DAB2IP: variants seen among roughly 807,000 people sequenced by gnomAD.
DAB2IP encodes disabled homolog 2-interacting protein.
Under a neutral mutation model 107.2 loss-of-function variants are expected in DAB2IP, and 28 were observed. That is an observed-to-expected ratio of 0.26 (90% CI 0.19 to 0.36). DAB2IP has a LOEUF of 0.36. Ranked by LOEUF, DAB2IP falls within the 10% of genes least tolerant of loss-of-function variation. The pLI, the probability that DAB2IP is intolerant of heterozygous loss-of-function variation, is 1.00. For synonymous variants in DAB2IP, 755 were observed against 706.4 expected (o/e 1.07, Z -1.09); for missense variants, 1,400 against 1,644.7 (o/e 0.85, Z 2.57).
intron 1 of DAB2IP, among the ~76,000 whole-genome samples, chr9:121,611,486 G>C (rs1054578247): frequency 1.3e-5 from 2 of 152,180 alleles, no homozygotes; most frequent in Non-Finnish European, 2.9e-5. Flanking sequence ...CCAGCTGTTT[G>C]ACCTTGGACA....
intron 8 of DAB2IP, among the ~76,000 whole-genome samples, chr9:121,765,859 G>T (rs1023684040): frequency 1.3e-5 from 2 of 152,206 alleles, no homozygotes; most frequent in Non-Finnish European, 2.9e-5. Context: ...TCACCCTGGG[G>T]CAGTCACTAC....
At chr9:121,595,071 T>C (rs996954595) in intron 1 of DAB2IP, among the ~76,000 whole-genome samples, 7 of 152,200 alleles carry the variant, frequency 4.6e-5, no homozygotes, top group Non-Finnish European at 8.8e-5. Context: ...CCAGTGAAGA[T>C]TGCAGACTGG....
At chr9:121,781,997 G>T (rs892628994) in intron 15 of DAB2IP, among the ~76,000 whole-genome samples, 1 of 152,204 alleles carries the variant, frequency 6.6e-6, no homozygotes, top group Non-Finnish European at 1.5e-5. Flanking sequence ...GGAGTAGGCT[G>T]GGCCTTGCTC....
At chr9:121,594,170 G>C (rs1830477713) in intron 1 of DAB2IP, among the ~76,000 whole-genome samples, 1 of 152,032 alleles carries the variant, frequency 6.6e-6, no homozygotes, top group Admixed American at 6.6e-5. Flanking sequence ...CAGGCTCAGA[G>C]GGATGTAGTA....
chr9:121,644,293 GAAAGA>G (rs1274934384), intron 1 of DAB2IP, among the ~76,000 whole-genome samples: 19 of 151,718 alleles, frequency 1.3e-4, no homozygotes, highest in African/African-American at 4.6e-4. Flanking sequence ...AAGAAGGAAA[GAAAGA>G]AAAGAAAGGA....
intron 1 of DAB2IP, among the ~76,000 whole-genome samples, chr9:121,658,762 G>C (rs1466788339): frequency 6.6e-6 from 1 of 152,186 alleles, no homozygotes; most frequent in Non-Finnish European, 1.5e-5. Flanking sequence ...AAGCACCACC[G>C]AGGACGCCCA....
chr9:121,773,892 C>G (rs1036122918), intron 12 of DAB2IP, among the ~76,000 whole-genome samples: 75 of 152,244 alleles, frequency 4.9e-4, no homozygotes, highest in African/African-American at 1.8e-3. Context: ...ATGGATGACC[C>G]TGTCACCCAA....
chr9:121,777,815 T>G (rs769680085), intron 14 of DAB2IP, among the ~76,000 whole-genome samples: 2 of 152,264 alleles, frequency 1.3e-5, no homozygotes, highest in Non-Finnish European at 2.9e-5. Flanking sequence ...TAGGTGCATA[T>G]ACATTTAGGC....
chr9:121,764,710 G>A lies in DAB2IP; in HGVS notation c.1460+831G>A, dbSNP rs139042405. Reference sequence around the variant, plus strand: ...CCACCCACCCAAGCCTCCGTCCACAGCCTGTTCTGACACCACTCTCTCCCC... The same window carrying A: ...CCACCCACCCAAGCCTCCGTCCACAACCTGTTCTGACACCACTCTCTCCCC... On this transcript the variant is annotated intron_variant, in intron 8 of 15. Transcript: ENST00000408936. Among the ~76,000 whole-genome samples the A allele has an allele frequency of 4.8e-3, 733 of 152,268 alleles. 6 individuals carry two copies. The highest frequency in any genetic ancestry group is 0.016 in the African/African-American group (672 of 41,560).
At chr9:121,664,899 C>T (rs1271641219) in intron 1 of DAB2IP, among the ~76,000 whole-genome samples, 1 of 152,170 alleles carries the variant, frequency 6.6e-6, no homozygotes, top group Non-Finnish European at 1.5e-5. Flanking sequence ...TTGTAGCTTT[C>T]CCAAATTATA....
At chr9:121,732,587 A>G (rs1831608625) in intron 3 of DAB2IP, among the ~76,000 whole-genome samples, 1 of 152,136 alleles carries the variant, frequency 6.6e-6, no homozygotes, top group Non-Finnish European at 1.5e-5. Context: ...TGGGCTGATG[A>G]CATACATTAA....
At chr9:121,738,106 TG>T (rs1364451031) in intron 3 of DAB2IP, among the ~76,000 whole-genome samples, 1 of 152,054 alleles carries the variant, frequency 6.6e-6, no homozygotes, top group East Asian at 1.9e-4. Flanking sequence ...GGCAAGGTTG[TG>T]GGGCACCTGG....
In DAB2IP at chr9:121,699,572, AC is replaced by A; in HGVS notation, c.362+118del. On this transcript the variant is annotated intron_variant, in intron 3 of 15. Transcript: ENST00000408936. The surrounding 1 kb of genome is among the most constrained non-coding windows in gnomAD (Gnocchi z 6.2). ...GGGCGAGCCACACGGCGGTGGGGGGACCCCACGCCGCCCGCCGGGAACTTAT... is the reference window on the plus strand; with the variant it reads ...GGGCGAGCCACACGGCGGTGGGGGGACCCACGCCGCCCGCCGGGAACTTAT... 1 of 966,404 alleles carries A rather than the reference AC, an allele frequency of 1.0e-6. No individual in the cohort carries two copies. The allele number at this position is 966,404 out of a possible 1,614,324, so 59.9% of individuals were successfully genotyped here.
At chr9:121,589,341 C>G (rs1830376256) in intron 1 of DAB2IP, among the ~76,000 whole-genome samples, 1 of 152,148 alleles carries the variant, frequency 6.6e-6, no homozygotes, top group African/African-American at 2.4e-5. Context: ...CTTGAGGCTC[C>G]AATAATACTT....
upstream of DAB2IP, among the ~76,000 whole-genome samples, chr9:121,648,401 GGAAA>G (rs1832615250): frequency 6.6e-6 from 1 of 152,186 alleles, no homozygotes; most frequent in South Asian, 2.1e-4. Context: ...ACTGGTGGTG[GGAAA>G]GAGTGTCTGG....
intron 11 of DAB2IP, among the ~76,000 whole-genome samples, chr9:121,771,605 G>T (rs919714158): frequency 2.7e-5 from 4 of 148,488 alleles, no homozygotes; most frequent in Non-Finnish European, 6.1e-5. Flanking sequence ...AGTTTGGAGT[G>T]GGGGGTGCAG....
intron 12 of DAB2IP, among the ~76,000 whole-genome samples, chr9:121,773,708 A>C (rs1384248778): frequency 6.6e-6 from 1 of 152,218 alleles, no homozygotes; most frequent in South Asian, 2.1e-4. Flanking sequence ...GGGGAACTCC[A>C]GGCTCCTCTG....
In DAB2IP at chr9:121,635,911, G is replaced by C. The variant is rs1265750604; in HGVS notation, c.41-42767G>C. ...CCCTGTTTAGATGTCTTTTTTGGGG[G>C]GGGGTCTGGGGGATGGAGTCTTGCT... On this transcript the variant is annotated intron_variant, in intron 1 of 16. Transcript: ENST00000259371. This position sits in a 1 kb window ranked among gnomAD's most constrained non-coding sequence, Gnocchi z 4.3. Among the ~76,000 whole-genome samples, 2 of 152,062 alleles carry C rather than the reference G, an allele frequency of 1.3e-5. No individual in the cohort carries two copies. Among genetic ancestry groups the C allele is most frequent in the Admixed American group, 1.3e-4 (2 of 15,270 alleles).
Position 121,760,152 on chromosome 9 carries a change from A to T in DAB2IP, c.883A>T (p.Ser295Cys). The change falls in exon 6 of 16, where the codon AGC (serine) becomes TGC (cysteine). Residue 295 changes from serine to cysteine, a missense_variant. Physicochemically the swap from Ser to Cys is moderately radical, Grantham distance 112. Transcript: ENST00000408936. This position sits in a 1 kb window ranked among gnomAD's most constrained non-coding sequence, Gnocchi z 5.9. The stretch of plus-strand genomic sequence containing the variant: ...GCGCAACAGTTACCTGGGCCTGGTG[A>T]GCCTACCTGCTGCCTCGGTGGCCGG... 10 of 1,613,836 alleles carry T rather than the reference A, an allele frequency of 6.2e-6. No individual in the cohort carries two copies. The highest frequency in any genetic ancestry group is 8.5e-6 in the Non-Finnish European group (10 of 1,180,020).
Sources: allele counts gnomAD v4.1 joint callset (sites outside exome capture counted in the v4.1 genomes callset), GRCh38; gene constraint gnomAD v4.1.1; non-coding constraint Gnocchi (gnomAD v3.1); transcripts MANE v1.5; gene names NCBI Gene and HGNC (gene_info 2026-07-23, HGNC 2026-07-21).